The following ASXL1 variants were observed in gnomAD, a reference collection of about 807,000 sequenced individuals.
The protein encoded by ASXL1 is polycomb group protein ASXL1.
In ASXL1, 65 loss-of-function variants were observed where a neutral mutation model predicts 89.1. That is an observed-to-expected ratio of 0.73 (90% confidence interval 0.60 to 0.90). The LOEUF (loss-of-function observed/expected upper bound fraction) is 0.90, where lower values mean the gene tolerates loss of function less well. Ranked by LOEUF, ASXL1 falls within the 40% of genes least tolerant of loss-of-function variation. The probability of loss-of-function intolerance (pLI) is 0.00; values close to 1 mark genes in which losing one functional copy is unlikely to be tolerated. For synonymous variants in ASXL1, 739 were observed against 746.9 expected (o/e 0.99, Z 0.17); for missense variants, 1,786 against 1,942.9 (o/e 0.92, Z 1.52).
chr20:32,424,500 A>C (rs2011217885), intron 4 of ASXL1, among the ~76,000 whole-genome samples: 3 of 152,218 alleles, frequency 2.0e-5, no homozygotes, highest in Admixed American at 2.0e-4. Flanking sequence ...ATGCCGCTGC[A>C]CTCCATCCTG....
In ASXL1 at chr20:32,410,246, A is replaced by G. The variant is rs116696298; in HGVS notation, c.253-17882A>G. Among the ~76,000 whole-genome samples the G allele has an allele frequency of 9.6e-3, 1,467 of 152,254 alleles. 30 individuals carry two copies. Among genetic ancestry groups the G allele is most frequent in the African/African-American group, 0.033 (1,380 of 41,554 alleles). On this transcript the variant is annotated intron_variant, in intron 4 of 12. Coordinates refer to ENST00000375687, the MANE Select transcript of ASXL1 (RefSeq NM_015338.6). ...GAAATTACAGATAGTCCCAAGCCCT[A>G]TATATACTGTGTTTTTTCCTATGCA...
intron 4 of ASXL1, among the ~76,000 whole-genome samples, chr20:32,391,965 G>A (rs1044061689): frequency 7.6e-6 from 1 of 130,786 alleles, no homozygotes; most frequent in Non-Finnish European, 1.7e-5. Context: ...GTTGGACCTT[G>A]ATTTTTTTTT....
rs555295327 is a variant in ASXL1, at chr20:32,410,415, A to G, written c.253-17713A>G. Among the ~76,000 whole-genome samples the G allele has an allele frequency of 1.6e-4, 25 of 152,084 alleles. 1 individual carries two copies. In the South Asian group the frequency reaches 5.2e-3, roughly 32 times the overall value. On this transcript the variant is annotated intron_variant, in intron 4 of 12. Transcript: ENST00000375687. ...ACTGGTCTCCCAAAGTGTTGGGACT[A>G]CAGGTGTGAGCCACTGTGCCCAGCC...
At chr20:32,369,503 C>T (rs1000728766) in intron 4 of ASXL1, among the ~76,000 whole-genome samples, 10 of 151,704 alleles carry the variant, frequency 6.6e-5, no homozygotes, top group South Asian at 2.1e-4. Context: ...CCACCTACCT[C>T]GGCCTCCCAA....
intron 4 of ASXL1, among the ~76,000 whole-genome samples, chr20:32,406,672 G>A (rs2048961232): frequency 6.6e-6 from 1 of 152,068 alleles, no homozygotes; most frequent in Admixed American, 6.5e-5. Context: ...TGTTGGGTTG[G>A]CTCCACTCTC....
intron 4 of ASXL1, among the ~76,000 whole-genome samples, chr20:32,410,570 T>TA (rs2049025684): frequency 6.6e-6 from 1 of 152,314 alleles, no homozygotes; most frequent in East Asian, 1.9e-4. Context: ...TCTCTCAAAA[T>TA]ACTGTAATTT....
chr20:32,366,682 C>T (rs2048209858), intron 2 of ASXL1: 1 of 603,524 alleles, frequency 1.7e-6, no homozygotes, highest in African/African-American at 2.0e-5. Flanking sequence ...CAGTGGCTTT[C>T]CCCATCTCCT....
In ASXL1 at chr20:32,435,013, C is replaced by G. The variant is rs2011723521; in HGVS notation, c.2301C>G (p.Ser767=). 1 of 1,614,096 alleles carries G rather than the reference C, an allele frequency of 6.2e-7. No individual in the cohort carries two copies. The highest frequency in any genetic ancestry group is 8.5e-7 in the Non-Finnish European group (1 of 1,180,054). The stretch of plus-strand genomic sequence containing the variant: ...GCCAGGCCTTGCCCCTACTGTCCTC[C>G]CAAACCTCAGTAGCTGAGAGATTAG... ...QPCQALPLLS[S]QTSVAERLVE... The change falls in exon 13 of 13, where the codon TCC becomes TCG. Residue 767 remains serine, a synonymous_variant. Transcript: ENST00000375687.
intron 4 of ASXL1, among the ~76,000 whole-genome samples, chr20:32,414,708 C>G (rs545042208): frequency 2.0e-4 from 30 of 152,188 alleles, no homozygotes; most frequent in Non-Finnish European, 3.4e-4. Flanking sequence ...GGTCACTCAA[C>G]AGTGAGCAAA....
chr20:32,396,824 G>T (rs937829160), intron 4 of ASXL1, among the ~76,000 whole-genome samples: 3 of 151,958 alleles, frequency 2.0e-5, no homozygotes, highest in Admixed American at 2.0e-4. Flanking sequence ...TATACATGAG[G>T]TCACATACTG....
intron 1 of ASXL1, among the ~76,000 whole-genome samples, chr20:32,363,409 G>A (rs2048154403): frequency 6.6e-6 from 1 of 152,200 alleles, no homozygotes; most frequent in African/African-American, 2.4e-5. Context: ...TGGCACTTAG[G>A]TTCTTGGAAT....
Position 32,437,112 on chromosome 20 carries a change from T to G in ASXL1, c.4400T>G (p.Leu1467Arg). ...SSSSPTFPKG[L>R]AGSVVQLSHK... Reference sequence around the variant, plus strand: ...AGCTCTCCCACCTTTCCCAAAGGCCTTGCTGGAAGTGTGGTGCAGCTGAGC... The same window carrying G: ...AGCTCTCCCACCTTTCCCAAAGGCCGTGCTGGAAGTGTGGTGCAGCTGAGC... The change falls in exon 13 of 13, where the codon CTT becomes CGT. Residue 1467 changes from leucine (L) to arginine (R), a missense_variant. By Grantham distance (102) the Leu-to-Arg change is moderately radical (BLOSUM62 -2). Coordinates refer to ENST00000375687, the MANE Select transcript of ASXL1 (RefSeq NM_015338.6). The G allele has an allele frequency of 6.2e-7, 1 of 1,614,230 alleles. No individual in the cohort carries two copies. Among genetic ancestry groups the G allele is most frequent in the Non-Finnish European group, 8.5e-7 (1 of 1,180,040 alleles).
At chr20:32,390,186 A>C (rs1457840689) in intron 4 of ASXL1, among the ~76,000 whole-genome samples, 1 of 152,244 alleles carries the variant, frequency 6.6e-6, no homozygotes, top group Non-Finnish European at 1.5e-5. Flanking sequence ...CATCAAACAC[A>C]AAGCCTATTT....
At position 32,428,261 on chromosome 20, in the gene ASXL1, T is replaced by C. The variant is rs2011391324; in HGVS notation, c.373+13T>C. The C allele has an allele frequency of 6.2e-7, 1 of 1,614,048 alleles. No individual in the cohort carries two copies. Among genetic ancestry groups the C allele is most frequent in the African/African-American group, 1.3e-5 (1 of 74,918 alleles). On this transcript the variant is annotated intron_variant, in intron 5 of 12. Coordinates refer to ENST00000375687, the MANE Select transcript of ASXL1 (RefSeq NM_015338.6). Reference sequence around the variant, plus strand: ...GGTGAAAACGATGGTAAGGACCCTTTAATGGATGGGTGAGGGAGCCACAGC... The same window carrying C: ...GGTGAAAACGATGGTAAGGACCCTTCAATGGATGGGTGAGGGAGCCACAGC...
At chr20:32,390,539 C>A (rs868086944) in intron 4 of ASXL1, among the ~76,000 whole-genome samples, 8 of 152,134 alleles carry the variant, frequency 5.3e-5, no homozygotes, top group South Asian at 4.2e-4. Context: ...GTGGCATGAT[C>A]GTAGCTCACT....
rs763919568 is a variant in ASXL1, at chr20:32,437,115, C to G, written c.4403C>G (p.Ala1468Gly). ...SSSPTFPKGL[A>G]GSVVQLSHKA... ...TCTCCCACCTTTCCCAAAGGCCTTGCTGGAAGTGTGGTGCAGCTGAGCCAC... is the reference window on the plus strand; with the variant it reads ...TCTCCCACCTTTCCCAAAGGCCTTGGTGGAAGTGTGGTGCAGCTGAGCCAC... The change falls in exon 13 of 13, where the codon GCT becomes GGT. Residue 1468 changes from alanine to glycine, a missense_variant. Around this residue, in one of 3 missense-constraint regions of ASXL1, gnomAD observed 1,418 missense variants for 1,427.8 expected, o/e 0.99. Coordinates refer to ENST00000375687, the MANE Select transcript of ASXL1 (RefSeq NM_015338.6). The G allele has an allele frequency of 5.0e-6, 8 of 1,614,202 alleles. No individual in the cohort carries two copies. The highest frequency in any genetic ancestry group is 6.8e-6 in the Non-Finnish European group (8 of 1,180,030).
intron 4 of ASXL1, among the ~76,000 whole-genome samples, chr20:32,379,055 C>G (rs1392194288): frequency 6.6e-6 from 1 of 150,812 alleles, no homozygotes; most frequent in Non-Finnish European, 1.5e-5. Context: ...TCACTTGAAC[C>G]CAGAGACAGA....
intron 4 of ASXL1, among the ~76,000 whole-genome samples, chr20:32,393,564 C>T (rs1338499960): frequency 6.6e-6 from 1 of 151,986 alleles, no homozygotes; most frequent in Admixed American, 6.6e-5. Context: ...CTCCGTTTCC[C>T]GGGTTCAAGT....
intron 6 of ASXL1, chr20:32,428,978 G>A (rs1290676006): frequency 5.6e-6 from 2 of 357,764 alleles, no homozygotes; most frequent in African/African-American, 2.1e-5. Flanking sequence ...GTTCATTCTT[G>A]TAATATACAC....
Sources: allele counts gnomAD v4.1 joint callset (sites outside exome capture counted in the v4.1 genomes callset), GRCh38; gene constraint gnomAD v4.1.1; regional missense constraint gnomAD v4.1.1; transcripts MANE v1.5; gene names NCBI Gene and HGNC (gene_info 2026-07-23, HGNC 2026-07-21).